Variants in IKBKB-DT observed in about 807,000 individuals in gnomAD.
IKBKB-DT encodes the protein IKBKB antisense RNA.
intron 3 of IKBKB-DT, chr8:42,233,996 A>G (rs989795805): frequency 6.6e-6 from 1 of 152,226 alleles, no homozygotes; most frequent in African/African-American, 2.4e-5. Flanking sequence ...CTCCAGCTGC[A>G]TGACTCCTAA....
chr8:42,237,243 T>C (rs1373401615), intron 3 of IKBKB-DT, among the ~76,000 whole-genome samples: 1 of 151,960 alleles, frequency 6.6e-6, no homozygotes, highest in Non-Finnish European at 1.5e-5. Flanking sequence ...CCCATCACCA[T>C]GCCCAGCTAA....
rs182957703 is a variant in IKBKB-DT at position 42,263,033 on chromosome 8, G to C, written n.1529+296C>G. 4.0e-5 allele frequency among the ~76,000 whole-genome samples: 6 copies of C among 149,072 alleles called. No homozygotes were observed. In the East Asian group the frequency reaches 1.2e-3, roughly 30 times the overall value. Reference sequence around the variant, plus strand: ...TGAGATTACAGGCATGAGCCACTACGCCCTGCTAATTTTTTGTATTTTTAG... The same window carrying C: ...TGAGATTACAGGCATGAGCCACTACCCCCTGCTAATTTTTTGTATTTTTAG... On this transcript the variant is annotated intron_variant and non_coding_transcript_variant, in intron 3 of 3. Transcript: ENST00000518213.
chr8:42,260,618 C>A (rs1018509319), intron 3 of IKBKB-DT, among the ~76,000 whole-genome samples: 2 of 140,540 alleles, frequency 1.4e-5, no homozygotes, highest in Non-Finnish European at 3.0e-5. Flanking sequence ...TGCAGTGAGC[C>A]GAGATGCACC....
intron 3 of IKBKB-DT, among the ~76,000 whole-genome samples, chr8:42,238,142 G>A (rs545314418): frequency 2.7e-5 from 4 of 150,084 alleles, no homozygotes; most frequent in Non-Finnish European, 5.9e-5. Context: ...TAGGAATTCC[G>A]ATCCCTGCCA....
intron 3 of IKBKB-DT, among the ~76,000 whole-genome samples, chr8:42,241,506 T>C (rs1485745980): frequency 6.6e-6 from 1 of 152,132 alleles, no homozygotes; most frequent in Non-Finnish European, 1.5e-5. Flanking sequence ...TGTGACATTC[T>C]TAATAAACAA....
intron 1 of IKBKB-DT, among the ~76,000 whole-genome samples, chr8:42,269,310 G>T (rs1045654407): frequency 1.4e-5 from 2 of 147,744 alleles, no homozygotes; most frequent in Admixed American, 1.4e-4. Flanking sequence ...ATAGAGAAAG[G>T]CCCTGTCAAG....
At chr8:42,235,389 A>G (rs140525913) in intron 3 of IKBKB-DT, among the ~76,000 whole-genome samples, 1 of 151,892 alleles carries the variant, frequency 6.6e-6, no homozygotes, top group Non-Finnish European at 1.5e-5. Context: ...TATTTTTACT[A>G]GAGTCAGGGT....
intron 3 of IKBKB-DT, among the ~76,000 whole-genome samples, chr8:42,241,383 G>T (rs1022265899): frequency 1.3e-5 from 2 of 151,732 alleles, no homozygotes; most frequent in Non-Finnish European, 2.9e-5. Flanking sequence ...ATAGGAAAAG[G>T]TTATTGTCTG....
At chr8:42,257,761 C>A (rs920659138) in intron 3 of IKBKB-DT, among the ~76,000 whole-genome samples, 5 of 151,630 alleles carry the variant, frequency 3.3e-5, no homozygotes, top group Non-Finnish European at 5.9e-5. Context: ...TAGGAGGAGA[C>A]CTTATCTCTA....
intron 3 of IKBKB-DT, among the ~76,000 whole-genome samples, chr8:42,251,183 G>A (rs749455504): frequency 5.3e-5 from 8 of 152,206 alleles, no homozygotes; most frequent in Non-Finnish European, 1.2e-4. Flanking sequence ...CTCTCAGCAA[G>A]GCCATCTTTA....
chr8:42,236,026 C>T (rs566193787), intron 3 of IKBKB-DT, among the ~76,000 whole-genome samples: 81 of 151,968 alleles, frequency 5.3e-4, no homozygotes, highest in African/African-American at 1.9e-3. Context: ...GACTCCATCT[C>T]AAAAAACAAC....
chr8:42,249,368 C>CA (rs924532458), intron 3 of IKBKB-DT: 165 of 146,726 alleles, frequency 1.1e-3, no homozygotes, highest in African/African-American at 3.7e-3. Flanking sequence ...GCCCCTGTTT[C>CA]AAAAAAAAAG....
Position 42,239,137 on chromosome 8 carries a change from CTTT to C in IKBKB-DT, n.1530-5281_1530-5279del, listed in dbSNP as rs374501496. On this transcript the variant is annotated intron_variant and non_coding_transcript_variant, in intron 3 of 3. Transcript: ENST00000518213. ...CAGAGGAAGCAAGCTAAAACACATGCTTTAAGTAAGATCCAGAGACTCATAGTC... is the reference window on the plus strand; with the variant it reads ...CAGAGGAAGCAAGCTAAAACACATGCAAGTAAGATCCAGAGACTCATAGTC... 4.7e-3 allele frequency among the ~76,000 whole-genome samples: 719 copies of C among 152,212 alleles called. 12 individuals are homozygous for C. The highest frequency in any genetic ancestry group is 0.017 in the African/African-American group (687 of 41,538).
intron 3 of IKBKB-DT, among the ~76,000 whole-genome samples, chr8:42,245,540 G>A (rs577537856): frequency 6.6e-5 from 10 of 152,344 alleles, no homozygotes; most frequent in South Asian, 6.2e-4. Flanking sequence ...CACACAGCCA[G>A]GCAGAGTAAC....
rs74561378 is a variant in IKBKB-DT at position 42,258,116 on chromosome 8, G to A, written n.1529+5213C>T. Among the ~76,000 whole-genome samples the A allele has an allele frequency of 3.9e-3, 597 of 152,180 alleles. 5 individuals are homozygous for A. Among genetic ancestry groups the A allele is most frequent in the African/African-American group, 0.01 (426 of 41,530 alleles). ...AGACGGTAAAGAAAAACGTTCCACA[G>A]TATTTTATCAAGAGAAGTCCAATAC... On this transcript the variant is annotated intron_variant and non_coding_transcript_variant, in intron 3 of 3. Transcript: ENST00000518213.
intron 2 of IKBKB-DT, among the ~76,000 whole-genome samples, chr8:42,264,820 A>G (rs1165326318): frequency 6.6e-6 from 1 of 150,544 alleles, no homozygotes; most frequent in Non-Finnish European, 1.5e-5. Context: ...CAGCCTCCCA[A>G]AGTGCTGGGA....
chr8:42,245,955 G>T (rs1157399861), intron 3 of IKBKB-DT, among the ~76,000 whole-genome samples: 1 of 152,198 alleles, frequency 6.6e-6, no homozygotes, highest in Non-Finnish European at 1.5e-5. Context: ...GGTTAATTAA[G>T]AAGTGATACA....
chr8:42,264,967 A>G (rs1267882647), intron 2 of IKBKB-DT, among the ~76,000 whole-genome samples: 1 of 150,920 alleles, frequency 6.6e-6, no homozygotes, highest in East Asian at 1.9e-4. Flanking sequence ...GGTTAAAGTG[A>G]TTCTCCCGCC....
intron 3 of IKBKB-DT, chr8:42,249,431 G>A (rs958682115): frequency 1.3e-5 from 2 of 149,284 alleles, no homozygotes; most frequent in African/African-American, 5.1e-5. Context: ...GTGTGTGTGT[G>A]TGTGTGTGTG....
Sources: gnomAD v4.1 joint callset for allele counts (sites outside exome capture counted in the v4.1 genomes callset) on GRCh38, gnomAD v4.1.1 for gene constraint, MANE v1.5 for transcripts, NCBI Gene and HGNC (gene_info 2026-07-23, HGNC 2026-07-21) for gene names.